Variants in FADS6 observed in about 807,000 individuals in gnomAD.
FADS6 encodes the protein fatty acid desaturase domain family, member 6.
Under a neutral mutation model 31.7 loss-of-function variants are expected in FADS6, and 28 were observed. The ratio of observed to expected loss-of-function variants is 0.88; its 90% confidence interval spans 0.66 to 1.21. The LOEUF is 1.21. FADS6 is among the 50% of genes most tolerant of loss of function. FADS6 has a pLI of 0.00. For synonymous variants in FADS6, 191 were observed against 213.1 expected (o/e 0.90, Z 0.90); for missense variants, 494 against 504.2 (o/e 0.98, Z 0.19).
In FADS6 at chr17:74,877,614, T is replaced by G; in HGVS notation, c.*717A>C. 2 of 900,414 alleles carry G rather than the reference T, an allele frequency of 2.2e-6. No individual in the cohort carries two copies. Among genetic ancestry groups the G allele is most frequent in the Non-Finnish European group, 2.7e-6 (2 of 752,702 alleles). 55.8% of individuals were successfully genotyped at this position (900,414 alleles called of 1,614,324 possible). On this transcript the variant is annotated 3_prime_UTR_variant, in exon 6 of 6. Coordinates refer to ENST00000612771, the MANE Select transcript of FADS6 (RefSeq NM_178128.6). ...TCCCAAAGTGCTGGGATTACAGGCA[T>G]GAGCCACCGCCCCTGGCTGGCTATT... is the stretch of plus-strand genomic sequence containing the variant.
rs373788832 is a variant in FADS6, at chr17:74,881,164, G to A, written c.684C>T (p.Asn228=). ...GLYSHYWLLL[N]VSGFKNPSSA... ...AGCTGGGGTTCTTGAAGCCTGACAC[G>A]TTCAGGAGCAGCCAGTAGTGAGAAT... is the stretch of plus-strand genomic sequence containing the variant. The change falls in exon 4 of 6, where the codon AAC becomes AAT. Residue 228 remains asparagine, a synonymous_variant. Transcript: ENST00000612771. The A allele has an allele frequency of 2.2e-5, 36 of 1,612,784 alleles. 1 individual carries two copies. Among genetic ancestry groups the A allele is most frequent in the East Asian group, 1.1e-4 (5 of 44,856 alleles).
In FADS6 at chr17:74,879,453, T is replaced by A; in HGVS notation, c.911A>T (p.His304Leu). ...CCTGGGGAATAGATGGTGTTCCACA[T>A]GGCAGCTGATGATCGAGTGGCCGAA... is the stretch of plus-strand genomic sequence containing the variant. ...WAFGHSIISC[H>L]VEHHLFPRLS... Residue 304 changes from histidine (H) to leucine (L), a missense_variant, in exon 5 of 6, where the codon CAT (histidine) becomes CTT (leucine). Physicochemically the swap from His to Leu is moderately conservative, Grantham distance 99. Coordinates refer to ENST00000612771, the MANE Select transcript of FADS6 (RefSeq NM_178128.6). The A allele has an allele frequency of 6.2e-7, 1 of 1,613,956 alleles. No individual in the cohort carries two copies. Among genetic ancestry groups the A allele is most frequent in the South Asian group, 1.1e-5 (1 of 91,084 alleles).
At chr17:74,882,774 C>A in intron 2 of FADS6, 64 bp from the exon 3 acceptor site, 4 of 1,553,756 alleles carry the variant, frequency 2.6e-6, no homozygotes, top group Middle Eastern at 1.7e-4. Flanking sequence ...AATGCAGGAC[C>A]TTTGAGAGCC....
chr17:74,880,235 C>G (rs2038553496), intron 4 of FADS6, among the ~76,000 whole-genome samples: 1 of 152,158 alleles, frequency 6.6e-6, no homozygotes, highest in South Asian at 2.1e-4. Context: ...AATTCCGTCT[C>G]CAGTTCCTCC....
Position 74,878,262 on chromosome 17 carries a change from G to A in FADS6, c.*69C>T, listed in dbSNP as rs940962971. On this transcript the variant is annotated 3_prime_UTR_variant, in exon 6 of 6. Coordinates refer to ENST00000612771, the MANE Select transcript of FADS6 (RefSeq NM_178128.6). ...ACCAGCCACTGAGCCACACCCCCTGGACCAGCAGCAGCAGGAGGGCCAGGG... is the reference window on the plus strand; with the variant it reads ...ACCAGCCACTGAGCCACACCCCCTGAACCAGCAGCAGCAGGAGGGCCAGGG... The A allele has an allele frequency of 2.2e-5, 33 of 1,526,520 alleles. 1 individual carries two copies. In the Admixed American group the frequency reaches 5.7e-4, roughly 26 times the overall value. 94.6% of individuals were successfully genotyped at this position (1,526,520 alleles called of 1,614,324 possible). A position where few individuals can be genotyped will look rare whatever the true frequency, so the allele number is the denominator to read the frequency against.
intron 2 of FADS6, among the ~76,000 whole-genome samples, chr17:74,884,080 G>A (rs771412070): frequency 5.3e-5 from 8 of 152,184 alleles, no homozygotes; most frequent in African/African-American, 9.7e-5. Flanking sequence ...CTGGGAAAAG[G>A]AAGAGAATGC....
Position 74,878,227 on chromosome 17 carries a change from C to T in FADS6, c.*104G>A. On this transcript the variant is annotated 3_prime_UTR_variant, in exon 6 of 6. Coordinates refer to ENST00000612771, the MANE Select transcript of FADS6 (RefSeq NM_178128.6). ...CTGCCTGGCCGGTGCCTCCACTCTC[C>T]AGGTCCACCACCAGCCACTGAGCCA... 6.8e-7 allele frequency: 1 copy of T among 1,468,722 alleles called. No homozygotes were observed. 91.0% of individuals were successfully genotyped at this position (1,468,722 alleles called of 1,614,324 possible). A position where few individuals can be genotyped will look rare whatever the true frequency, so the allele number is the denominator to read the frequency against.
intron 2 of FADS6, among the ~76,000 whole-genome samples, chr17:74,891,099 T>C (rs2038683240): frequency 1.3e-5 from 2 of 148,728 alleles, no homozygotes; most frequent in South Asian, 4.2e-4. Context: ...TCAGTACAGC[T>C]TTTTTCTTTT....
intron 2 of FADS6, 87 bp from the exon 3 acceptor site, chr17:74,882,797 C>T: frequency 6.5e-7 from 1 of 1,539,762 alleles, no homozygotes; most frequent in Non-Finnish European, 8.7e-7. Context: ...GAGAACACCC[C>T]CACCTCCTCA....
At chr17:74,892,483 G>T in intron 2 of FADS6, 40 bp downstream of exon 2, 19 of 1,589,620 alleles carry the variant, frequency 1.2e-5, no homozygotes, top group Non-Finnish European at 1.6e-5. Context: ...CTGCCACACG[G>T]TCCCAGCAGC....
chr17:74,876,586 C>G (rs774773292), downstream of FADS6, among the ~76,000 whole-genome samples: 1 of 152,116 alleles, frequency 6.6e-6, no homozygotes, highest in Non-Finnish European at 1.5e-5. Flanking sequence ...TGCCTGGGCT[C>G]AGGAGTTCGA....
At position 74,882,714 on chromosome 17, in the gene FADS6, G is replaced by C. The variant is rs2038585397; in HGVS notation, c.412-4C>G. The C allele has an allele frequency of 1.2e-6, 2 of 1,606,986 alleles. No individual in the cohort carries two copies. Among genetic ancestry groups the C allele is most frequent in the South Asian group, 1.1e-5 (1 of 89,538 alleles). ...CTGCAGTGAAGGCTGTGCACACCTA[G>C]AGGAGGGAACCAGAAATGACACTGG... is the stretch of plus-strand genomic sequence containing the variant. On this transcript the variant is annotated splice_region_variant and splice_polypyrimidine_tract_variant and intron_variant, in intron 2 of 5. Coordinates refer to ENST00000612771, the MANE Select transcript of FADS6 (RefSeq NM_178128.6).
At chr17:74,889,212 A>G (rs574277990) in intron 2 of FADS6, among the ~76,000 whole-genome samples, 3 of 152,316 alleles carry the variant, frequency 2.0e-5, no homozygotes, top group South Asian at 2.1e-4. Flanking sequence ...GGGACCGCCA[A>G]TGATACTCAG....
intron 2 of FADS6, among the ~76,000 whole-genome samples, chr17:74,884,575 G>T (rs971590443): frequency 2.6e-5 from 4 of 152,272 alleles, no homozygotes; most frequent in Middle Eastern, 3.4e-3. Flanking sequence ...CAGGACGCTT[G>T]CAATCATGGC....
chr17:74,877,199 A>G (rs2038514618), downstream of FADS6: 1 of 148,764 alleles, frequency 6.7e-6, no homozygotes, highest in Non-Finnish European at 1.5e-5. Context: ...GCCCCCTCCT[A>G]CAAATTCTTC....
At chr17:74,890,244 C>T (rs927912613) in intron 2 of FADS6, among the ~76,000 whole-genome samples, 2 of 152,138 alleles carry the variant, frequency 1.3e-5, no homozygotes, top group South Asian at 4.1e-4. Flanking sequence ...AGGCGTGAGC[C>T]CCACTGTCCT....
intron 2 of FADS6, among the ~76,000 whole-genome samples, chr17:74,883,592 G>A (rs907555303): frequency 6.6e-6 from 1 of 152,172 alleles, no homozygotes; most frequent in Non-Finnish European, 1.5e-5. Flanking sequence ...TCCTGAGGGC[G>A]GTGGCGGATG....
At chr17:74,883,258 G>A (rs2038592449) in intron 2 of FADS6, among the ~76,000 whole-genome samples, 1 of 152,318 alleles carries the variant, frequency 6.6e-6, no homozygotes, top group Non-Finnish European at 1.5e-5. Context: ...CTCTTCTGCA[G>A]TATGGATCCC....
intron 1 of FADS6, among the ~76,000 whole-genome samples, chr17:74,893,048 G>T (rs2038709169): frequency 6.6e-6 from 1 of 152,098 alleles, no homozygotes; most frequent in Non-Finnish European, 1.5e-5. Context: ...CTTCCCGGGG[G>T]TGGGGGGGCA....
Sources: gnomAD v4.1 joint callset for allele counts (sites outside exome capture counted in the v4.1 genomes callset) on GRCh38, gnomAD v4.1.1 for gene constraint, MANE v1.5 for transcripts, NCBI Gene and HGNC (gene_info 2026-07-23, HGNC 2026-07-21) for gene names.